TEP1: variants seen among roughly 807,000 people sequenced by gnomAD.
TEP1 encodes telomerase associated protein 1.
TEP1 carries 241 observed loss-of-function variants against 306.3 expected under a neutral mutation model. The observed-to-expected ratio is 0.79, with a 90% CI of 0.71 to 0.88. TEP1 has a LOEUF of 0.88. Among genes scored for constraint, TEP1 ranks in the 40% least tolerant of loss-of-function variants. TEP1 has a pLI of 0.00. For missense variants in TEP1, 3,051 were observed against 3,276.1 expected, an observed-to-expected ratio of 0.93 and a Z score of 1.68; for synonymous variants, 1,289 against 1,305.5, an observed-to-expected ratio of 0.99 and a Z score of 0.27.
chr14:20,381,116 C>T lies in TEP1; in HGVS notation c.4648-71G>A, dbSNP rs921350982. On this transcript the variant is annotated intron_variant, in intron 32 of 54. Transcript: ENST00000262715. The surrounding 1 kb of genome is among the most constrained non-coding windows in gnomAD (Gnocchi z 4.0). ...GAGAAGGGACAGTTTAGTCTCAGAA[C>T]CTGGATACAGAGATAGGATCTGAGC... 1 of 1,338,854 alleles carries T rather than the reference C, an allele frequency of 7.5e-7. No individual in the cohort carries two copies. Among genetic ancestry groups the T allele is most frequent in the Admixed American group, 1.7e-5 (1 of 58,266 alleles). 82.9% of individuals were successfully genotyped at this position (1,338,854 alleles called of 1,614,324 possible). A position where few individuals can be genotyped will look rare whatever the true frequency, so the allele number is the denominator to read the frequency against.
intron 12 of TEP1, 69 bp downstream of exon 12, chr14:20,395,381 G>T: frequency 6.9e-7 from 1 of 1,439,498 alleles, no homozygotes; most frequent in Non-Finnish European, 9.3e-7. Flanking sequence ...GGGATTCCCA[G>T]ATGACTTCCA....
Position 20,381,083 on chromosome 14 carries a change from G to A in TEP1, c.4648-38C>T. ...GATTGAATTCATTAGGGATATGAAG[G>A]GGCTGGTGAGAAGGGACAGTTTAGT... On this transcript the variant is annotated intron_variant, in intron 32 of 54. Coordinates refer to ENST00000262715, the MANE Select transcript of TEP1 (RefSeq NM_007110.5). The surrounding 1 kb of genome is among the most constrained non-coding windows in gnomAD (Gnocchi z 4.0). The A allele has an allele frequency of 1.9e-6, 3 of 1,546,074 alleles. No homozygotes were observed. Among genetic ancestry groups the A allele is most frequent in the Non-Finnish European group, 1.8e-6 (2 of 1,118,490 alleles).
chr14:20,408,331 G>T lies in TEP1; in HGVS notation c.109C>A (p.His37Asn). The change falls in exon 2 of 55, where the codon CAT (histidine) becomes AAT (asparagine). Residue 37 changes from histidine to asparagine, a missense_variant. This residue lies in a region of TEP1 where 1,507 missense variants were observed against 1,550.5 expected (regional missense o/e 0.97). Transcript: ENST00000262715. Reference sequence around the variant, plus strand: ...AGGATATCTGAGTGGGTAGATACATGCTGATGTAGTTTCTCCAAGGGCTGT... The same window carrying T: ...AGGATATCTGAGTGGGTAGATACATTCTGATGTAGTTTCTCCAAGGGCTGT... ...DLQPLEKLHQ[H>N]VSTHSDILSL... is the part of the protein sequence containing the mutation. 3 of 1,613,654 alleles carry T rather than the reference G, an allele frequency of 1.9e-6. No homozygotes were observed. The highest frequency in any genetic ancestry group is 2.5e-6 in the Non-Finnish European group (3 of 1,179,942).
intron 43 of TEP1, 32 bp from the exon 44 acceptor site, chr14:20,374,568 A>ATCAC: frequency 6.6e-7 from 1 of 1,518,596 alleles, no homozygotes; most frequent in Non-Finnish European, 9.1e-7. Flanking sequence ...GAGTGGGATT[A>ATCAC]TCAGCATCCC....
At chr14:20,411,253 C>A (rs1042430347) in intron 1 of TEP1, among the ~76,000 whole-genome samples, 1 of 152,182 alleles carries the variant, frequency 6.6e-6, no homozygotes, top group African/African-American at 2.4e-5. Context: ...ACTAACACCC[C>A]GATCTAACCC....
Position 20,383,528 on chromosome 14 carries a change from C to A in TEP1, c.3827G>T (p.Gly1276Val). The A allele has an allele frequency of 6.2e-7, 1 of 1,614,210 alleles. No individual in the cohort carries two copies. Among genetic ancestry groups the A allele is most frequent in the Non-Finnish European group, 8.5e-7 (1 of 1,180,040 alleles). ...TGGGATCCAGTCTGAAATCAGCTGC[C>A]CATTCTGGTCCACTAACCTATCAGC... ...DGADRLVDQNGQLISDWIPKK... is the reference protein window; with the variant it reads ...DGADRLVDQNVQLISDWIPKK... Residue 1276 changes from glycine to valine, a missense_variant, in exon 26 of 55, where the codon GGG becomes GTG. Gly to Val is a moderately radical substitution (Grantham distance 109). Around this residue, in one of 3 missense-constraint regions of TEP1, gnomAD observed 1,540 missense variants for 1,705.9 expected, o/e 0.90. Coordinates refer to ENST00000262715, the MANE Select transcript of TEP1 (RefSeq NM_007110.5).
At chr14:20,382,102 A>G (rs1470392006) in intron 29 of TEP1, 39 bp from the exon 30 acceptor site, 1 of 1,612,228 alleles carries the variant, frequency 6.2e-7, no homozygotes, top group African/African-American at 1.3e-5. Flanking sequence ...ATCTAACCAT[A>G]CGGTGTCCCC....
At position 20,368,884 on chromosome 14, in the gene TEP1, T is replaced by C. The variant is rs1200455622; in HGVS notation, c.7675A>G (p.Thr2559Ala). 9 of 1,613,824 alleles carry C rather than the reference T, an allele frequency of 5.6e-6. No homozygotes were observed. The highest frequency in any genetic ancestry group is 7.6e-6 in the Non-Finnish European group (9 of 1,179,938). ...AACTCAGGTAGCACATGGAGGGCTG[T>C]GACAGAGCCCGAGTGAATCTCAAAG... ...QRRKIHSGSV[T>A]ALHVLPELLV... The change falls in exon 54 of 55, where the codon ACA becomes GCA. Residue 2559 changes from threonine to alanine, a missense_variant. Thr to Ala is a moderately conservative substitution (Grantham distance 58). Coordinates refer to ENST00000262715, the MANE Select transcript of TEP1 (RefSeq NM_007110.5).
intron 51 of TEP1, 35 bp from the exon 52 acceptor site, chr14:20,369,814 CAT>C (rs777332859): frequency 6.5e-7 from 1 of 1,539,980 alleles, no homozygotes; most frequent in Non-Finnish European, 9.0e-7. Context: ...TTAGCCTACC[CAT>C]ATGAGTCAAC....
intron 51 of TEP1, among the ~76,000 whole-genome samples, chr14:20,370,505 G>A (rs1045309111): frequency 2.0e-5 from 3 of 152,132 alleles, no homozygotes; most frequent in African/African-American, 7.2e-5. Flanking sequence ...AGGTATGTCT[G>A]TATTATTCCA....
intron 49 of TEP1, 81 bp from the exon 50 acceptor site, chr14:20,371,713 C>T: frequency 6.8e-7 from 1 of 1,463,276 alleles, no homozygotes. Context: ...ACATGAATTC[C>T]TCAGGAATGA....
intron 2 of TEP1, 115 bp downstream of exon 2, chr14:20,407,758 G>T (rs1443838047): frequency 6.3e-6 from 6 of 957,206 alleles, no homozygotes; most frequent in African/African-American, 1.6e-5. Flanking sequence ...AGGCTCTGAG[G>T]AGAGAAGATA....
In TEP1 at chr14:20,396,857, T is replaced by TA. The variant is rs1878248838; in HGVS notation, c.1550-128dup. 7.2e-6 allele frequency: 4 copies of TA among 555,828 alleles called. No homozygotes were observed. In the South Asian group the frequency reaches 9.9e-5, roughly 14 times the overall value. The allele number at this position is 555,828 out of a possible 1,614,324, so 34.4% of individuals were successfully genotyped here. On this transcript the variant is annotated intron_variant, in intron 9 of 54. Transcript: ENST00000262715. The stretch of plus-strand genomic sequence containing the variant: ...TCACTTGAGCCCAGAACCCAGGAAT[T>TA]AGAGTCCAGCCTGGGCAACATAGCA...
intron 51 of TEP1, 43 bp from the exon 52 acceptor site, chr14:20,369,822 T>C (rs952545740): frequency 1.5e-5 from 22 of 1,506,204 alleles, no homozygotes; most frequent in Non-Finnish European, 1.8e-5. Context: ...CCCATATGAG[T>C]CAACTTGTAC....
chr14:20,373,183 G>C, intron 47 of TEP1, 36 bp from the exon 48 acceptor site: 1 of 1,613,792 alleles, frequency 6.2e-7, no homozygotes, highest in Non-Finnish European at 8.5e-7. Flanking sequence ...TAGGAGCTGG[G>C]ATACTGCTGG....
At position 20,380,345 on chromosome 14, in the gene TEP1, C is replaced by G; in HGVS notation, c.4893G>C (p.Gln1631His). 6.2e-7 allele frequency: 1 copy of G among 1,614,158 alleles called. No individual in the cohort carries two copies. Among genetic ancestry groups the G allele is most frequent in the South Asian group, 1.1e-5 (1 of 91,080 alleles). ...GGTGGCAAAGAGGTGAGTCCAGGGGCTGGTTGGCTGCCTGCTGGGGCAGGA... is the reference window on the plus strand; with the variant it reads ...GGTGGCAAAGAGGTGAGTCCAGGGGGTGGTTGGCTGCCTGCTGGGGCAGGA... ...PRLLPQQAAN[Q>H]PLDSPLCHQA... The change falls in exon 34 of 55, where the codon CAG becomes CAC. Residue 1631 changes from glutamine (Q) to histidine (H), a missense_variant. Coordinates refer to ENST00000262715, the MANE Select transcript of TEP1 (RefSeq NM_007110.5).
chr14:20,408,722 C>T, intron 1 of TEP1, among the ~76,000 whole-genome samples: 1 of 152,052 alleles, frequency 6.6e-6, no homozygotes, highest in Admixed American at 6.6e-5. Context: ...AATCCCAACA[C>T]TTTGGGAGCT....
rs758493257 is a variant in TEP1 at position 20,380,008 on chromosome 14, G to A, written c.5049C>T (p.Ala1683=). 2 of 1,614,150 alleles carry A rather than the reference G, an allele frequency of 1.2e-6. No homozygotes were observed. The highest frequency in any genetic ancestry group is 1.7e-6 in the Non-Finnish European group (2 of 1,180,022). Residue 1683 remains alanine, a synonymous_variant, in exon 35 of 55, where the codon GCC becomes GCT. Coordinates refer to ENST00000262715, the MANE Select transcript of TEP1 (RefSeq NM_007110.5). ...LAVSSSPTAV[A]FSTNGQRAAV... is the part of the protein sequence containing the mutation. Reference sequence around the variant, plus strand: ...CTGCTCTTTGCCCATTGGTGGAGAAGGCCACAGCAGTAGGGGATGAGGAAA... The same window carrying A: ...CTGCTCTTTGCCCATTGGTGGAGAAAGCCACAGCAGTAGGGGATGAGGAAA...
intron 51 of TEP1, 95 bp from the exon 52 acceptor site, chr14:20,369,874 T>TTA: frequency 1.1e-5 from 8 of 741,096 alleles, no homozygotes; most frequent in Non-Finnish European, 1.4e-5. Flanking sequence ...GGTCAGGAAT[T>TTA]TTTTTTTTTT....
Sources: allele counts gnomAD v4.1 joint callset (sites outside exome capture counted in the v4.1 genomes callset), GRCh38; gene constraint gnomAD v4.1.1; regional missense constraint gnomAD v4.1.1; non-coding constraint Gnocchi (gnomAD v3.1); transcripts MANE v1.5; gene names NCBI Gene and HGNC (gene_info 2026-07-23, HGNC 2026-07-21).